The following KCTD15 variants were observed in gnomAD, a reference collection of about 807,000 sequenced individuals.
The protein encoded by KCTD15 is BTB/POZ domain-containing protein KCTD15.
Under a neutral mutation model 27.2 loss-of-function variants are expected in KCTD15, and 11 were observed. The observed-to-expected ratio is 0.41, with a 90% CI of 0.25 to 0.67. The LOEUF is 0.67. Ranked by LOEUF, KCTD15 falls within the 30% of genes least tolerant of loss-of-function variation. The pLI is 0.35. For missense variants in KCTD15, 350 were observed against 409.3 expected, an observed-to-expected ratio of 0.86 and a Z score of 1.25; for synonymous variants, 163 against 176.0, an observed-to-expected ratio of 0.93 and a Z score of 0.58.
chr19:33,815,498 A>G lies in KCTD15; in HGVS notation c.*2550A>G, dbSNP rs1976065155. The stretch of plus-strand genomic sequence containing the variant: ...TAAATGTTACTTCTGCTCTTTGTAA[A>G]CCTCAAAACTCATTATTCTTGATTA... On this transcript the variant is annotated 3_prime_UTR_variant, in exon 7 of 7. Transcript: ENST00000683859. The G allele has an allele frequency of 6.6e-6, 1 of 151,924 alleles. No individual in the cohort carries two copies. The highest frequency in any genetic ancestry group is 1.5e-5 in the Non-Finnish European group (1 of 67,980). The allele number at this position is 151,924 out of a possible 1,614,324, so 9.4% of individuals were successfully genotyped here.
chr19:33,812,381 T>C (rs1032601388), intron 6 of KCTD15: 1 of 1,030,600 alleles, frequency 9.7e-7, no homozygotes. Context: ...GCCTAGAGGC[T>C]GAAGGACAGG....
At position 33,813,235 on chromosome 19, in the gene KCTD15, GC is replaced by G; in HGVS notation, c.*291del. The stretch of plus-strand genomic sequence containing the variant: ...GCAGCCTGGCGCAGCATCCTCTGAG[GC>G]CCCGGGGCCTGTTGGGGCGGGGTTG... On this transcript the variant is annotated 3_prime_UTR_variant, in exon 7 of 7. Coordinates refer to ENST00000683859, the MANE Select transcript of KCTD15 (RefSeq NM_001129994.2). 3.2e-6 allele frequency: 2 copies of G among 632,066 alleles called. No homozygotes were observed. Among genetic ancestry groups the G allele is most frequent in the Non-Finnish European group, 5.9e-6 (2 of 341,652 alleles). The allele number at this position is 632,066 out of a possible 1,614,324, so 39.2% of individuals were successfully genotyped here. A position where few individuals can be genotyped will look rare whatever the true frequency, so the allele number is the denominator to read the frequency against.
intron 1 of KCTD15, chr19:33,797,271 TGTGTGTGTGTGTGCGCGCGCGC>T (rs1975356095): frequency 3.3e-6 from 1 of 305,204 alleles, no homozygotes. Flanking sequence ...TGTGTGTGTG[TGTGTGTGTGTGTGCGCGCGCGC>T]GCGCGCGCGC....
upstream of KCTD15, among the ~76,000 whole-genome samples, chr19:33,795,057 C>T (rs1975274620): frequency 6.6e-6 from 1 of 152,354 alleles, no homozygotes; most frequent in South Asian, 2.1e-4. Flanking sequence ...TCTTTCTGTT[C>T]CAGGAGCAGC....
In KCTD15 at chr19:33,807,303, A is replaced by G. The variant is rs1169331767; in HGVS notation, c.387+296A>G. 3.3e-5 allele frequency among the ~76,000 whole-genome samples: 5 copies of G among 152,344 alleles called. No individual in the cohort carries two copies. In the East Asian group the frequency reaches 7.7e-4, roughly 24 times the overall value. ...AGTTAGAGGTTCATAAATCTGTTCC[A>G]TCGGCTGGGTGCAGTGGTTCATGCC... On this transcript the variant is annotated intron_variant, in intron 5 of 6. Coordinates refer to ENST00000683859, the MANE Select transcript of KCTD15 (RefSeq NM_001129994.2).
In KCTD15 at chr19:33,800,507, G is replaced by T. The variant is rs1555729270; in HGVS notation, c.53G>T (p.Ser18Ile). 1 of 1,599,100 alleles carries T rather than the reference G, an allele frequency of 6.3e-7. No individual in the cohort carries two copies. Among genetic ancestry groups the T allele is most frequent in the Admixed American group, 1.7e-5 (1 of 57,734 alleles). ...PSGSSLHTHG[S>I]TGTAEGGNMS... is the part of the protein sequence containing the mutation. ...GGGTCCTCGCTTCACACACACGGCAGCACCGGCACCGCGGTGAGCCTGCAG... is the reference window on the plus strand; with the variant it reads ...GGGTCCTCGCTTCACACACACGGCATCACCGGCACCGCGGTGAGCCTGCAG... The change falls in exon 3 of 7, where the codon AGC (serine) becomes ATC (isoleucine). Residue 18 changes from serine to isoleucine, a missense_variant. Physicochemically the swap from Ser to Ile is moderately radical, Grantham distance 142. Transcript: ENST00000683859.
upstream of KCTD15, among the ~76,000 whole-genome samples, chr19:33,794,168 C>G (rs1348203398): frequency 6.6e-6 from 1 of 152,202 alleles, no homozygotes; most frequent in African/African-American, 2.4e-5. Flanking sequence ...GTCTCTTAAA[C>G]AATGACACTT....
chr19:33,797,686 T>C (rs1440370375), intron 1 of KCTD15, among the ~76,000 whole-genome samples: 3 of 139,670 alleles, frequency 2.1e-5, no homozygotes, highest in South Asian at 2.3e-4. Context: ...CCCCCGCCTC[T>C]GCAGCGCCTT....
chr19:33,808,999 G>A (rs1022647222), intron 5 of KCTD15, among the ~76,000 whole-genome samples: 1 of 151,950 alleles, frequency 6.6e-6, no homozygotes, highest in African/African-American at 2.4e-5. Flanking sequence ...AAAAAAGGCC[G>A]GGTGCGGTGG....
Position 33,800,501 on chromosome 19 carries a change from A to ACGGCAG in KCTD15, c.49_54dup (p.Gly17_Ser18dup). 6.2e-7 allele frequency: 1 copy of ACGGCAG among 1,602,492 alleles called. No homozygotes were observed. The highest frequency in any genetic ancestry group is 8.5e-7 in the Non-Finnish European group (1 of 1,175,944). On this transcript the variant is annotated inframe_insertion, in exon 3 of 7. Coordinates refer to ENST00000683859, the MANE Select transcript of KCTD15 (RefSeq NM_001129994.2). ...CCGAGCGGGTCCTCGCTTCACACAC[A>ACGGCAG]CGGCAGCACCGGCACCGCGGTGAGC...
At chr19:33,803,630 C>A (rs544099048) in intron 4 of KCTD15, among the ~76,000 whole-genome samples, 1 of 152,156 alleles carries the variant, frequency 6.6e-6, no homozygotes, top group South Asian at 2.1e-4. Context: ...CTGGTCCTCA[C>A]CCGAGACAGC....
chr19:33,806,068 C>T (rs1004049303), intron 4 of KCTD15, among the ~76,000 whole-genome samples: 1 of 152,240 alleles, frequency 6.6e-6, no homozygotes, highest in African/African-American at 2.4e-5. Flanking sequence ...CATATGTATG[C>T]ACTGTGGTGC....
At chr19:33,797,250 GT>G (rs1259269366) in intron 1 of KCTD15, among the ~76,000 whole-genome samples, 3 of 40,860 alleles carry the variant, frequency 7.3e-5, no homozygotes, top group Non-Finnish European at 1.7e-4. Flanking sequence ...GCCGCGCGGT[GT>G]GTGTGTGTGT....
chr19:33,800,312 T>G lies in KCTD15; in HGVS notation c.-27-116T>G, dbSNP rs1975485321. Reference sequence around the variant, plus strand: ...GTGGAGTCAATCAGGGAGGGCTGCATGGACCTCGCAGGGTCTCAGAGAGCA... The same window carrying G: ...GTGGAGTCAATCAGGGAGGGCTGCAGGGACCTCGCAGGGTCTCAGAGAGCA... On this transcript the variant is annotated intron_variant, in intron 2 of 6. Transcript: ENST00000683859. The G allele has an allele frequency of 3.7e-6, 3 of 803,730 alleles. No homozygotes were observed. The South Asian group carries it at 4.8e-5, about 13-fold the overall frequency. The allele number at this position is 803,730 out of a possible 1,614,324, so 49.8% of individuals were successfully genotyped here. A position where few individuals can be genotyped will look rare whatever the true frequency, so the allele number is the denominator to read the frequency against.
chr19:33,804,007 C>T (rs931336342), intron 4 of KCTD15, among the ~76,000 whole-genome samples: 3 of 151,810 alleles, frequency 2.0e-5, no homozygotes, highest in South Asian at 4.1e-4. Flanking sequence ...GAAGCCGGCC[C>T]CTCAAACCCT....
At chr19:33,794,602 C>T (rs1405173982), upstream of KCTD15, among the ~76,000 whole-genome samples, 2 of 152,214 alleles carry the variant, frequency 1.3e-5, no homozygotes, top group Admixed American at 6.5e-5. Flanking sequence ...GCCTGCTCCA[C>T]CTTCCCTCAT....
chr19:33,805,221 T>C (rs1259038810), intron 4 of KCTD15, among the ~76,000 whole-genome samples: 1 of 152,162 alleles, frequency 6.6e-6, no homozygotes, highest in African/African-American at 2.4e-5. Flanking sequence ...GGTGCCCAGC[T>C]AAACCGTGCC....
rs186215058 is a variant in KCTD15 at position 33,813,432 on chromosome 19, T to A, written c.*484T>A. 2.9e-3 allele frequency: 1,347 copies of A among 457,122 alleles called. 17 individuals are homozygous for A. The highest frequency in any genetic ancestry group is 0.025 in the African/African-American group (1,249 of 50,236). 28.3% of individuals were successfully genotyped at this position (457,122 alleles called of 1,614,324 possible). ...GCTGACAAGGACCAATGCTTCTTTA[T>A]CTGGTGCTCAGTTCTCAGTCAGACG... On this transcript the variant is annotated 3_prime_UTR_variant, in exon 7 of 7. Transcript: ENST00000683859.
intron 6 of KCTD15, chr19:33,812,129 C>T (rs770125142): frequency 2.1e-5 from 27 of 1,267,402 alleles, no homozygotes; most frequent in Non-Finnish European, 2.7e-5. Flanking sequence ...GGGAAGAGGG[C>T]CCCCTGTGCA....
Sources: gnomAD v4.1 joint callset for allele counts (sites outside exome capture counted in the v4.1 genomes callset) on GRCh38, gnomAD v4.1.1 for gene constraint, MANE v1.5 for transcripts, NCBI Gene and HGNC (gene_info 2026-07-23, HGNC 2026-07-21) for gene names.